The following GALNT2 variants were observed in gnomAD, a reference collection of about 807,000 sequenced individuals.
The protein encoded by GALNT2 is UDP-GalNAc:polypeptide N-acetylgalactosaminyltransferase 2.
In GALNT2, 31 loss-of-function variants were observed where a neutral mutation model predicts 81.4. That is an observed-to-expected ratio of 0.38 (90% confidence interval 0.29 to 0.51). GALNT2 has a LOEUF of 0.51. GALNT2 is among the 20% of genes least tolerant of loss of function. The probability of loss-of-function intolerance (pLI) is 0.87; values close to 1 mark genes in which losing one functional copy is unlikely to be tolerated. For synonymous variants in GALNT2, 303 were observed against 287.4 expected (o/e 1.05, Z -0.55); for missense variants, 629 against 765.7 (o/e 0.82, Z 2.11).
intron 2 of GALNT2, among the ~76,000 whole-genome samples, chr1:230,182,192 TTTG>T (rs1291391646): frequency 1.1e-4 from 14 of 125,658 alleles, no homozygotes; most frequent in African/African-American, 3.9e-4. Context: ...AGTTTTTGTT[TTTG>T]TTTTTTTCTG....
At chr1:230,124,893 G>C (rs1046617717) in intron 1 of GALNT2, among the ~76,000 whole-genome samples, 12 of 152,150 alleles carry the variant, frequency 7.9e-5, no homozygotes, top group African/African-American at 2.9e-4. Context: ...CAGGATTGTG[G>C]CCCTGTGGTT....
chr1:230,194,901 G>A (rs1297741188), intron 2 of GALNT2, among the ~76,000 whole-genome samples: 2 of 152,218 alleles, frequency 1.3e-5, no homozygotes, highest in African/African-American at 2.4e-5. Flanking sequence ...AAGATGACAA[G>A]CATAGGTCTG....
chr1:230,184,777 A>G (rs1663268778), intron 2 of GALNT2, among the ~76,000 whole-genome samples: 2 of 152,060 alleles, frequency 1.3e-5, no homozygotes, highest in African/African-American at 4.8e-5. Flanking sequence ...TTGGTGTTCA[A>G]CATTAATTTG....
intron 3 of GALNT2, among the ~76,000 whole-genome samples, chr1:230,206,470 A>G (rs949050651): frequency 6.6e-6 from 1 of 152,204 alleles, no homozygotes; most frequent in African/African-American, 2.4e-5. Flanking sequence ...AAGTCTATCC[A>G]TAGTCAATTG....
At chr1:230,115,673 A>G (rs559393572) in intron 1 of GALNT2, among the ~76,000 whole-genome samples, 24 of 152,340 alleles carry the variant, frequency 1.6e-4, no homozygotes, top group South Asian at 4.1e-4. Flanking sequence ...GAAGACAACA[A>G]TGAAATTTGC....
chr1:230,171,200 CA>C (rs981614509), intron 1 of GALNT2, among the ~76,000 whole-genome samples: 6 of 152,172 alleles, frequency 3.9e-5, no homozygotes, highest in African/African-American at 7.2e-5. Context: ...AATGCTTGAT[CA>C]GGGGAGGTCT....
intron 6 of GALNT2, among the ~76,000 whole-genome samples, chr1:230,237,522 A>G (rs1665068299): frequency 6.6e-6 from 1 of 152,150 alleles, no homozygotes; most frequent in Non-Finnish European, 1.5e-5. Flanking sequence ...CTTTCTTCTC[A>G]TTACATATGC....
rs528036841 is a variant in GALNT2 at position 230,202,905 on chromosome 1, A to G, written c.221-232A>G. Among the ~76,000 whole-genome samples, 8 of 152,348 alleles carry G rather than the reference A, an allele frequency of 5.3e-5. No homozygotes were observed. In the South Asian group the frequency reaches 1.7e-3, roughly 32 times the overall value. ...TTGTTCACTGGACAGATGCCTGTAC[A>G]CCAGGCCTTTAACTTTCATGCTGTA... On this transcript the variant is annotated intron_variant, in intron 2 of 15. Coordinates refer to ENST00000366672, the MANE Select transcript of GALNT2 (RefSeq NM_004481.5).
intron 1 of GALNT2, among the ~76,000 whole-genome samples, chr1:230,165,896 T>C (rs1662586833): frequency 6.6e-6 from 1 of 152,214 alleles, no homozygotes; most frequent in South Asian, 2.1e-4. Context: ...TTAGGCATGA[T>C]GTGAATGTGC....
chr1:230,115,004 C>CTTTT (rs1660803786), intron 1 of GALNT2, among the ~76,000 whole-genome samples: 1 of 61,270 alleles, frequency 1.6e-5, no homozygotes. Context: ...TTAGGGTTCA[C>CTTTT]TCTTTTTTTT....
intron 1 of GALNT2, among the ~76,000 whole-genome samples, chr1:230,177,503 A>G (rs1663020185): frequency 6.6e-6 from 1 of 152,244 alleles, no homozygotes; most frequent in African/African-American, 2.4e-5. Context: ...TGGAAAATAT[A>G]TATTTAGCTC....
At chr1:230,058,958 T>C (rs1658981136) in intron 1 of GALNT2, among the ~76,000 whole-genome samples, 1 of 152,164 alleles carries the variant, frequency 6.6e-6, no homozygotes, top group African/African-American at 2.4e-5. Context: ...ATAACCTCCA[T>C]AGAAATGTGC....
In GALNT2 at chr1:230,177,512, T is replaced by C. The variant is rs76914801; in HGVS notation, c.127-706T>C. 2.8e-3 allele frequency among the ~76,000 whole-genome samples: 434 copies of C among 152,370 alleles called. 9 individuals carry two copies. Among genetic ancestry groups the C allele is most frequent in the Admixed American group, 0.02 (300 of 15,304 alleles). On this transcript the variant is annotated intron_variant, in intron 1 of 15. Coordinates refer to ENST00000366672, the MANE Select transcript of GALNT2 (RefSeq NM_004481.5). Reference sequence around the variant, plus strand: ...CAGTGGTGGAAAATATATATTTAGCTCTGTGGTCGTGCAGTTGTTATTTAG... The same window carrying C: ...CAGTGGTGGAAAATATATATTTAGCCCTGTGGTCGTGCAGTTGTTATTTAG...
rs1399602658 is a variant in GALNT2 at position 230,075,140 on chromosome 1, T to TTTTTTTTTTTG, written c.126+7737_126+7738insTTTTTTTGTTT. On this transcript the variant is annotated intron_variant, in intron 1 of 15. Transcript: ENST00000366672. ...GTTTTGCTTTTTTTTTTTTTTTTTT[T>TTTTTTTTTTTG]TTTGAGACAAAGTCTCACTCTGTCG... Among the ~76,000 whole-genome samples, 11 of 145,416 alleles carry TTTTTTTTTTTG rather than the reference T, an allele frequency of 7.6e-5. 1 individual carries two copies. The highest frequency in any genetic ancestry group is 2.8e-4 in the African/African-American group (11 of 38,646).
At chr1:230,113,677 C>G (rs1305810061) in intron 1 of GALNT2, among the ~76,000 whole-genome samples, 1 of 152,078 alleles carries the variant, frequency 6.6e-6, no homozygotes, top group East Asian at 1.9e-4. Context: ...GGGACTTTCC[C>G]CAGCACAGAC....
chr1:230,123,442 G>T (rs1031322827), intron 1 of GALNT2, among the ~76,000 whole-genome samples: 1 of 152,192 alleles, frequency 6.6e-6, no homozygotes, highest in Admixed American at 6.5e-5. Context: ...GGCACATGCA[G>T]GTTGGTCATG....
rs542980983 is a variant in GALNT2 at position 230,211,100 on chromosome 1, C to T, written c.374+7810C>T. 3.7e-4 allele frequency among the ~76,000 whole-genome samples: 57 copies of T among 152,306 alleles called. No individual in the cohort carries two copies. In the Middle Eastern group the frequency reaches 0.014, roughly 36 times the overall value. On this transcript the variant is annotated intron_variant, in intron 3 of 15. Coordinates refer to ENST00000366672, the MANE Select transcript of GALNT2 (RefSeq NM_004481.5). ...ATTGGAGACCCAGGCAGGGCTGGAG[C>T]TTTGTCCTTATGTTGTACTTCTCGG...
intron 1 of GALNT2, among the ~76,000 whole-genome samples, chr1:230,152,485 A>T (rs189445620): frequency 2.8e-4 from 42 of 152,354 alleles, no homozygotes; most frequent in African/African-American, 9.4e-4. Flanking sequence ...CACATCATAC[A>T]TGTAAGAGTA....
At chr1:230,185,274 G>A (rs1362040213) in intron 2 of GALNT2, among the ~76,000 whole-genome samples, 1 of 89,290 alleles carries the variant, frequency 1.1e-5, no homozygotes. Context: ...GCGTGCGTGC[G>A]TGTGTGTGTG....
Sources: allele counts gnomAD v4.1 joint callset (sites outside exome capture counted in the v4.1 genomes callset), GRCh38; gene constraint gnomAD v4.1.1; transcripts MANE v1.5; gene names NCBI Gene and HGNC (gene_info 2026-07-23, HGNC 2026-07-21).